Variants in NEURL1 observed in about 807,000 individuals in gnomAD.
The protein encoded by NEURL1 is E3 ubiquitin-protein ligase NEURL1.
A neutral mutation model predicts 41.2 loss-of-function variants in NEURL1; 26 were observed. That is an observed-to-expected ratio of 0.63 (90% CI 0.46 to 0.87). NEURL1 has a LOEUF of 0.87. NEURL1 is among the 40% of genes least tolerant of loss of function. NEURL1 has a pLI of 0.00. For missense variants in NEURL1, 761 were observed against 871.1 expected, an observed-to-expected ratio of 0.87 and a Z score of 1.59; for synonymous variants, 400 against 402.3, an observed-to-expected ratio of 0.99 and a Z score of 0.07.
intron 1 of NEURL1, among the ~76,000 whole-genome samples, chr10:103,516,286 A>G (rs143612002): frequency 1.6e-3 from 246 of 151,288 alleles, no homozygotes; most frequent in African/African-American, 5.1e-3. Context: ...AGCACTGATA[A>G]CTGAATGATG....
intron 1 of NEURL1, among the ~76,000 whole-genome samples, chr10:103,497,782 C>A (rs2033720342): frequency 6.7e-6 from 1 of 150,296 alleles, no homozygotes; most frequent in African/African-American, 2.5e-5. Context: ...AGATAAGACA[C>A]CCCTGGGCTT....
rs1404431401 is a variant in NEURL1, at chr10:103,590,324, C to T, written c.1677C>T (p.Ile559=). The change falls in exon 6 of 6, where the codon ATC becomes ATT. Residue 559 remains isoleucine (I), a synonymous_variant. Transcript: ENST00000369780. ...AGGCTCTGCACGCCTGCTGCCCCAT[C>T]TGCCGCCGCCCCATCAAGGACATCA... The part of the protein sequence containing the change: ...LKKALHACCP[I]CRRPIKDIIK... 1.2e-6 allele frequency: 2 copies of T among 1,614,162 alleles called. No homozygotes were observed. The highest frequency in any genetic ancestry group is 1.7e-6 in the Non-Finnish European group (2 of 1,180,030).
At chr10:103,499,546 C>A (rs1327841155) in intron 1 of NEURL1, among the ~76,000 whole-genome samples, 1 of 151,716 alleles carries the variant, frequency 6.6e-6, no homozygotes, top group Non-Finnish European at 1.5e-5. Flanking sequence ...CTCATTGAAG[C>A]CTCAACCTCC....
chr10:103,539,149 G>A (rs947426309), intron 1 of NEURL1, among the ~76,000 whole-genome samples: 2 of 151,272 alleles, frequency 1.3e-5, no homozygotes, highest in African/African-American at 4.9e-5. Flanking sequence ...GTTTTGTGAT[G>A]TTGCCCAGGC....
rs1263433273 is a variant in NEURL1, at chr10:103,494,458, C to A, written c.71C>A (p.Pro24His). Residue 24 changes from proline (P) to histidine (H), a missense_variant, in exon 1 of 6, where the codon CCC (proline) becomes CAC (histidine). By Grantham distance (77) the Pro-to-His change is moderately conservative. Coordinates refer to ENST00000369780, the MANE Select transcript of NEURL1 (RefSeq NM_004210.5). ...GNPSRAPRGHPQNLKDSIGGP... is the reference protein window; with the variant it reads ...GNPSRAPRGHHQNLKDSIGGP... ...CCGAGCCGCGCGCCGCGGGGCCACC[C>A]CCAGAACCTCAAAGGTAGGCTCCCC... is the stretch of plus-strand genomic sequence containing the variant. 2.5e-6 allele frequency: 4 copies of A among 1,588,704 alleles called. No homozygotes were observed.
At chr10:103,544,372 C>T (rs1338839041) in intron 1 of NEURL1, among the ~76,000 whole-genome samples, 2 of 152,104 alleles carry the variant, frequency 1.3e-5, no homozygotes, top group African/African-American at 2.4e-5. Context: ...CCTGGGTTTC[C>T]CACCAGACCC....
chr10:103,572,811 C>T (rs74154544), intron 3 of NEURL1, among the ~76,000 whole-genome samples: 7,064 of 152,268 alleles, frequency 0.046, 280 homozygotes, highest in African/African-American at 0.11. Flanking sequence ...ATGCAAGCCT[C>T]AGCTTCCTCA....
intron 3 of NEURL1, among the ~76,000 whole-genome samples, chr10:103,573,716 C>T (rs2035596922): frequency 6.6e-6 from 1 of 152,208 alleles, no homozygotes; most frequent in African/African-American, 2.4e-5. Context: ...GACAAAGTCT[C>T]TGCTCCTGAG....
chr10:103,572,603 A>G (rs2035574449), intron 3 of NEURL1, among the ~76,000 whole-genome samples: 1 of 152,218 alleles, frequency 6.6e-6, no homozygotes, highest in Non-Finnish European at 1.5e-5. Context: ...AGAGGACAGG[A>G]GAATCTCCGA....
intron 3 of NEURL1, chr10:103,577,883 A>G (rs2035698858): frequency 6.6e-6 from 1 of 152,250 alleles, no homozygotes; most frequent in Non-Finnish European, 1.5e-5. Flanking sequence ...CACAATGAAT[A>G]TATATCAAGT....
At chr10:103,532,810 G>C (rs1000188187) in intron 1 of NEURL1, among the ~76,000 whole-genome samples, 2 of 151,494 alleles carry the variant, frequency 1.3e-5, no homozygotes, top group Admixed American at 6.6e-5. Context: ...ATCTATTTGG[G>C]AATCTTTGAG....
rs891037243 is a variant in NEURL1 at position 103,556,437 on chromosome 10, T to C, written c.86-14435T>C. On this transcript the variant is annotated intron_variant, in intron 1 of 5. Coordinates refer to ENST00000369780, the MANE Select transcript of NEURL1 (RefSeq NM_004210.5). The surrounding 1 kb of genome is among the most constrained non-coding windows in gnomAD (Gnocchi z 4.4). The stretch of plus-strand genomic sequence containing the variant: ...CCTGCTTGGATGGGGTATTAGGAGG[T>C]GGGACAGTGTCCATCTGCCGAGTCC... Among the ~76,000 whole-genome samples, 8 of 151,510 alleles carry C rather than the reference T, an allele frequency of 5.3e-5. No homozygotes were observed. Among genetic ancestry groups the C allele is most frequent in the African/African-American group, 1.9e-4 (8 of 41,168 alleles).
intron 4 of NEURL1, among the ~76,000 whole-genome samples, chr10:103,586,617 T>A (rs959583647): frequency 1.3e-5 from 2 of 152,200 alleles, no homozygotes; most frequent in Non-Finnish European, 2.9e-5. Flanking sequence ...TATAGGCACA[T>A]GTGAGTAACT....
chr10:103,563,158 A>G (rs1177382591), intron 1 of NEURL1, among the ~76,000 whole-genome samples: 1 of 152,216 alleles, frequency 6.6e-6, no homozygotes, highest in Non-Finnish European at 1.5e-5. Context: ...GACTGAAATG[A>G]GCCGATCATT....
intron 1 of NEURL1, among the ~76,000 whole-genome samples, chr10:103,515,143 G>A (rs180934412): frequency 0.011 from 1,658 of 145,738 alleles, 14 homozygotes; most frequent in Non-Finnish European, 0.021. Flanking sequence ...CAGGAGAATC[G>A]CTTGAGCCTG....
chr10:103,519,497 T>G (rs1337330266), intron 1 of NEURL1, among the ~76,000 whole-genome samples: 1 of 152,166 alleles, frequency 6.6e-6, no homozygotes, highest in East Asian at 1.9e-4. Context: ...TATCCAGAAG[T>G]GCATAATATA....
intron 1 of NEURL1, among the ~76,000 whole-genome samples, chr10:103,563,070 C>A (rs2035339369): frequency 6.6e-6 from 1 of 152,304 alleles, no homozygotes; most frequent in East Asian, 1.9e-4. Context: ...TTAAACGAGT[C>A]CATATCAGGA....
chr10:103,522,295 G>C (rs1342275101), intron 1 of NEURL1, among the ~76,000 whole-genome samples: 2 of 151,772 alleles, frequency 1.3e-5, no homozygotes, highest in African/African-American at 4.8e-5. Context: ...TTTTTTCTGG[G>C]TCTTCATTTT....
At chr10:103,517,006 C>T (rs1332186676) in intron 1 of NEURL1, among the ~76,000 whole-genome samples, 2 of 147,258 alleles carry the variant, frequency 1.4e-5, no homozygotes, top group Non-Finnish European at 3.0e-5. Context: ...TCCCTCCATC[C>T]TTCCTCCCTC....
Sources: allele counts gnomAD v4.1 joint callset (sites outside exome capture counted in the v4.1 genomes callset), GRCh38; gene constraint gnomAD v4.1.1; non-coding constraint Gnocchi (gnomAD v3.1); transcripts MANE v1.5; gene names NCBI Gene and HGNC (gene_info 2026-07-23, HGNC 2026-07-21).